The following ALDH1A2 variants were observed in gnomAD, a reference collection of about 807,000 sequenced individuals.
ALDH1A2 encodes aldehyde dehydrogenase 1 family member A2, also known as retinal dehydrogenase 2.
Under a neutral mutation model 60.3 loss-of-function variants are expected in ALDH1A2, and 27 were observed. The ratio of observed to expected loss-of-function variants is 0.45; its 90% confidence interval spans 0.33 to 0.62. ALDH1A2 has a LOEUF of 0.62. Ranked by LOEUF, ALDH1A2 falls within the 20% of genes least tolerant of loss-of-function variation. ALDH1A2 has a pLI of 0.02. For missense variants in ALDH1A2, 581 were observed against 643.8 expected (o/e 0.90, Z 1.06); for synonymous variants, 289 against 232.4 (o/e 1.24, Z -2.21).
intron 4 of ALDH1A2, among the ~76,000 whole-genome samples, chr15:58,004,883 G>A (rs780972835): frequency 1.3e-5 from 2 of 150,734 alleles, no homozygotes; most frequent in African/African-American, 2.4e-5. Context: ...AAAAATCACC[G>A]ATGACACAAA....
chr15:58,026,374 C>A (rs1471413040), intron 1 of ALDH1A2, among the ~76,000 whole-genome samples: 3 of 152,136 alleles, frequency 2.0e-5, no homozygotes, highest in African/African-American at 7.2e-5. Context: ...TTGATAAAAT[C>A]AACATCCCAC....
At chr15:57,995,006 CCAT>C (rs1224987633) in intron 5 of ALDH1A2, 69 bp downstream of exon 5, 1 of 1,391,696 alleles carries the variant, frequency 7.2e-7, no homozygotes, top group African/African-American at 1.4e-5. Context: ...TCGCTGAGGA[CCAT>C]GTTTTATGTG....
intron 7 of ALDH1A2, among the ~76,000 whole-genome samples, chr15:57,966,282 C>T (rs1328639695): frequency 2.0e-5 from 3 of 152,126 alleles, no homozygotes; most frequent in African/African-American, 7.2e-5. Flanking sequence ...ATTACATGCT[C>T]CAAAGAGACT....
At chr15:58,028,419 A>C (rs983445434) in intron 1 of ALDH1A2, among the ~76,000 whole-genome samples, 1 of 152,226 alleles carries the variant, frequency 6.6e-6, no homozygotes, top group Non-Finnish European at 1.5e-5. Flanking sequence ...ATGGAAAGGA[A>C]CAACTGGTAC....
At chr15:57,966,588 C>A (rs369638372) in intron 7 of ALDH1A2, among the ~76,000 whole-genome samples, 5 of 152,326 alleles carry the variant, frequency 3.3e-5, no homozygotes. Flanking sequence ...CCTTCAGGGT[C>A]CACCTCAGCT....
chr15:58,010,733 A>G lies in ALDH1A2; in HGVS notation c.409T>C (p.Tyr137His), dbSNP rs1440144834. Residue 137 changes from tyrosine to histidine, a missense_variant, in exon 4 of 13, where the codon TAT becomes CAT. Physicochemically the swap from Tyr to His is moderately conservative, Grantham distance 83 (BLOSUM62 2). Transcript: ENST00000249750. The stretch of plus-strand genomic sequence containing the variant: ...TTGATGACGCCCTGCAAATCCACAT[A>G]AAAAGCTTGCAGGAATGGTTTGCCA... ...NGGKPFLQAF[Y>H]VDLQGVIKTF... The G allele has an allele frequency of 6.2e-7, 1 of 1,613,482 alleles. No individual in the cohort carries two copies. The highest frequency in any genetic ancestry group is 8.5e-7 in the Non-Finnish European group (1 of 1,179,526).
At chr15:58,006,250 G>A (rs969506766) in intron 4 of ALDH1A2, among the ~76,000 whole-genome samples, 1 of 151,936 alleles carries the variant, frequency 6.6e-6, no homozygotes, top group Non-Finnish European at 1.5e-5. Flanking sequence ...TTACTTAGAA[G>A]TGAGAATATA....
chr15:57,968,737 C>T (rs1469260248), intron 7 of ALDH1A2, among the ~76,000 whole-genome samples: 1 of 152,190 alleles, frequency 6.6e-6, no homozygotes, highest in Non-Finnish European at 1.5e-5. Context: ...TTGGGGTTGG[C>T]AGACACTGCT....
intron 1 of ALDH1A2, among the ~76,000 whole-genome samples, chr15:58,026,231 T>C (rs1403331344): frequency 5.3e-5 from 8 of 152,158 alleles, no homozygotes; most frequent in Non-Finnish European, 1.0e-4. Context: ...TAACACACTA[T>C]GATAAAGTAG....
At chr15:58,041,811 T>C (rs563148853) in intron 1 of ALDH1A2, among the ~76,000 whole-genome samples, 32 of 152,078 alleles carry the variant, frequency 2.1e-4, no homozygotes, top group Admixed American at 1.8e-3. Context: ...ACTACTGGTA[T>C]AGTAATACAT....
At chr15:58,024,598 A>C (rs1190409677) in intron 1 of ALDH1A2, among the ~76,000 whole-genome samples, 1 of 152,202 alleles carries the variant, frequency 6.6e-6, no homozygotes, top group African/African-American at 2.4e-5. Context: ...GACAGACTAC[A>C]ATACAATAGT....
rs1893422999 is a variant in ALDH1A2 at position 57,953,706 on chromosome 15, TTATAAA to T, written c.*1485_*1490del. The stretch of plus-strand genomic sequence containing the variant: ...TTAAAACATCATGGATAGATAAGAG[TTATAAA>T]TAGAAAACTGGTACGGTTAAGAAGC... On this transcript the variant is annotated 3_prime_UTR_variant, in exon 13 of 13. Coordinates refer to ENST00000249750, the MANE Select transcript of ALDH1A2 (RefSeq NM_003888.4). 1 of 152,192 alleles carries T rather than the reference TTATAAA, an allele frequency of 6.6e-6. No homozygotes were observed. The highest frequency in any genetic ancestry group is 2.1e-4 in the South Asian group (1 of 4,826). 9.4% of individuals were successfully genotyped at this position (152,192 alleles called of 1,614,324 possible).
chr15:57,966,943 C>G (rs1414412932), intron 7 of ALDH1A2, among the ~76,000 whole-genome samples: 1 of 152,218 alleles, frequency 6.6e-6, no homozygotes, highest in African/African-American at 2.4e-5. Context: ...CAGAGCAGAG[C>G]CGCCATATAG....
chr15:57,983,375 G>A lies in ALDH1A2; in HGVS notation c.798+9330C>T, dbSNP rs536177541. On this transcript the variant is annotated intron_variant, in intron 7 of 12. Coordinates refer to ENST00000249750, the MANE Select transcript of ALDH1A2 (RefSeq NM_003888.4). Reference sequence around the variant, plus strand: ...CCTCACAGCTAGCATTCCTTTCCTCGAATTTCTTTTTGTATTTTGGTTCCC... The same window carrying A: ...CCTCACAGCTAGCATTCCTTTCCTCAAATTTCTTTTTGTATTTTGGTTCCC... Among the ~76,000 whole-genome samples, 12 of 152,124 alleles carry A rather than the reference G, an allele frequency of 7.9e-5. No homozygotes were observed. In the South Asian group the frequency reaches 2.1e-3, roughly 26 times the overall value.
chr15:58,020,057 T>A (rs1468167802), intron 1 of ALDH1A2, among the ~76,000 whole-genome samples: 2 of 145,552 alleles, frequency 1.4e-5, no homozygotes, highest in Non-Finnish European at 3.0e-5. Context: ...CAACTCCCAC[T>A]TATAAGTGAG....
At chr15:57,961,833 C>T (rs1893730901) in intron 10 of ALDH1A2, among the ~76,000 whole-genome samples, 179 bp downstream of exon 10, 1 of 152,166 alleles carries the variant, frequency 6.6e-6, no homozygotes, top group Non-Finnish European at 1.5e-5. Flanking sequence ...ACCTAGCTTG[C>T]TTGTCTTTTG....
At chr15:58,039,861 T>G (rs1408761581) in intron 1 of ALDH1A2, among the ~76,000 whole-genome samples, 1 of 151,766 alleles carries the variant, frequency 6.6e-6, no homozygotes, top group Non-Finnish European at 1.5e-5. Context: ...CTAGAAGTCA[T>G]TAATTCTTCC....
rs4646583 is a variant in ALDH1A2, at chr15:58,014,353, G to A, written c.118-72C>T. 0.071 allele frequency: 79,717 copies of A among 1,118,558 alleles called. 3,017 individuals carry two copies. The highest frequency in any genetic ancestry group is 0.13 in the East Asian group (5,589 of 42,460). 69.3% of individuals were successfully genotyped at this position (1,118,558 alleles called of 1,614,324 possible). A position where few individuals can be genotyped will look rare whatever the true frequency, so the allele number is the denominator to read the frequency against. On this transcript the variant is annotated intron_variant, in intron 1 of 12. Coordinates refer to ENST00000249750, the MANE Select transcript of ALDH1A2 (RefSeq NM_003888.4). ...CAGCCAGTCAACGGCCAAGTGTTAC[G>A]GAACTACTATGGTAATAACACTTGT...
At chr15:57,967,738 C>T (rs927773699) in intron 7 of ALDH1A2, among the ~76,000 whole-genome samples, 4 of 152,180 alleles carry the variant, frequency 2.6e-5, no homozygotes, top group Non-Finnish European at 5.9e-5. Context: ...ATGCTAACAC[C>T]TGGCCCTGAA....
Sources: gnomAD v4.1 joint callset for allele counts (sites outside exome capture counted in the v4.1 genomes callset) on GRCh38, gnomAD v4.1.1 for gene constraint, MANE v1.5 for transcripts, NCBI Gene and HGNC (gene_info 2026-07-23, HGNC 2026-07-21) for gene names.